PATL2: variants seen among roughly 807,000 people sequenced by gnomAD.
The protein encoded by PATL2 is PAT1 homolog 2.
In PATL2, 73 loss-of-function variants were observed where a neutral mutation model predicts 77.0. The ratio of observed to expected loss-of-function variants is 0.95; its 90% CI spans 0.78 to 1.15. The LOEUF is 1.15. PATL2 is among the 50% of genes most tolerant of loss of function. The pLI is 0.00. For synonymous variants in PATL2, 265 were observed against 257.1 expected (o/e 1.03, Z -0.29); for missense variants, 618 against 655.4 (o/e 0.94, Z 0.62).
intron 3 of PATL2, among the ~76,000 whole-genome samples, chr15:44,694,391 A>T (rs1184591288): frequency 6.6e-6 from 1 of 152,226 alleles, no homozygotes; most frequent in African/African-American, 2.4e-5. Flanking sequence ...AAACAATAAT[A>T]GTAATGATGA....
intron 3 of PATL2, among the ~76,000 whole-genome samples, chr15:44,702,165 A>G (rs766161587): frequency 5.3e-5 from 8 of 152,028 alleles, no homozygotes; most frequent in Non-Finnish European, 1.0e-4. Context: ...TTCATTTGTT[A>G]CTTGTTATTG....
chr15:44,676,889 T>C (rs2085986746), intron 3 of PATL2: 5 of 1,066,696 alleles, frequency 4.7e-6, no homozygotes, highest in Middle Eastern at 4.4e-4. Flanking sequence ...CTGTCCTTTC[T>C]GTTTAAGTTA....
intron 3 of PATL2, among the ~76,000 whole-genome samples, chr15:44,698,426 C>G (rs1032681671): frequency 1.3e-5 from 2 of 152,144 alleles, no homozygotes; most frequent in South Asian, 2.1e-4. Context: ...AACCATTATT[C>G]TACTCTCTAT....
chr15:44,707,507 G>C (rs1274887824), intron 3 of PATL2, among the ~76,000 whole-genome samples: 3 of 152,202 alleles, frequency 2.0e-5, no homozygotes, highest in Middle Eastern at 6.3e-3. Flanking sequence ...GGCCCAGGGT[G>C]TGGCTAGAAA....
intron 3 of PATL2, among the ~76,000 whole-genome samples, chr15:44,682,141 A>G (rs756257713): frequency 2.6e-5 from 4 of 152,238 alleles, no homozygotes; most frequent in Non-Finnish European, 5.9e-5. Context: ...GCATTATGTC[A>G]TATAAGCAAC....
chr15:44,667,263 T>G, intron 15 of PATL2, 60 bp from the exon 16 acceptor site: 1 of 1,207,608 alleles, frequency 8.3e-7, no homozygotes. Context: ...ATTTGGTGCT[T>G]TCCTGACTCT....
In PATL2 at chr15:44,668,386, G is replaced by A; in HGVS notation, c.1321C>T (p.Pro441Ser). ...GTGACTGGCCGCTCTGAGGAGCCAG[G>A]TGGCAACAGCGTTAATCCCTGAAGT... The part of the protein sequence containing the change: ...QGLQGLTLLP[P>S]GSSERPVTVV... Residue 441 changes from proline (P) to serine (S), a missense_variant, in exon 15 of 18, where the codon CCT becomes TCT. Transcript: ENST00000682850. 2 of 1,551,228 alleles carry A rather than the reference G, an allele frequency of 1.3e-6. No homozygotes were observed. The highest frequency in any genetic ancestry group is 8.7e-7 in the Non-Finnish European group (1 of 1,146,964).
At chr15:44,691,141 A>C (rs1014132960) in intron 3 of PATL2, among the ~76,000 whole-genome samples, 1 of 152,086 alleles carries the variant, frequency 6.6e-6, no homozygotes, top group Admixed American at 6.5e-5. Context: ...TTTGGTTATA[A>C]AAAACTCAAA....
At position 44,686,114 on chromosome 15, in the gene PATL2, A is replaced by T. The variant is rs912056864; in HGVS notation, c.-75-9549T>A. On this transcript the variant is annotated intron_variant, in intron 3 of 17. Coordinates refer to ENST00000682850, the MANE Select transcript of PATL2 (RefSeq NM_001387263.1). ...AATCAACAGCATATACATTCTTCTC[A>T]GCACCACATCGCACTTGTTCTAAAA... 2.0e-5 allele frequency among the ~76,000 whole-genome samples: 3 copies of T among 152,216 alleles called. No individual in the cohort carries two copies. The South Asian group carries it at 6.2e-4, about 31-fold the overall frequency.
intron 3 of PATL2, among the ~76,000 whole-genome samples, chr15:44,700,913 A>T (rs1408271691): frequency 6.6e-6 from 1 of 152,076 alleles, no homozygotes; most frequent in Non-Finnish European, 1.5e-5. Context: ...TTTGTCATAT[A>T]GCTTTTACTG....
At chr15:44,667,070 T>C in intron 16 of PATL2, 36 bp downstream of exon 16, 1 of 1,455,008 alleles carries the variant, frequency 6.9e-7, no homozygotes, top group Non-Finnish European at 9.4e-7. Context: ...ATCCCGAGGG[T>C]ACTAGATAGT....
rs1595951674 is a variant in PATL2 at position 44,665,784 on chromosome 15, G to A, written c.*169C>T. 5 of 1,498,804 alleles carry A rather than the reference G, an allele frequency of 3.3e-6. No homozygotes were observed. The East Asian group carries it at 7.5e-5, about 22-fold the overall frequency. The allele number at this position is 1,498,804 out of a possible 1,614,324, so 92.8% of individuals were successfully genotyped here. ...TTATTATGCCATGTCTTATTTTTAG[G>A]CACATCATTTAGATTTTTGAAGAAA... is the stretch of plus-strand genomic sequence containing the variant. On this transcript the variant is annotated 3_prime_UTR_variant, in exon 18 of 18. Transcript: ENST00000682850.
At chr15:44,696,003 G>C (rs896145568) in intron 3 of PATL2, among the ~76,000 whole-genome samples, 1 of 152,164 alleles carries the variant, frequency 6.6e-6, no homozygotes, top group Admixed American at 6.5e-5. Context: ...GCAAGTGTCA[G>C]CTCCACAAGC....
intron 4 of PATL2, chr15:44,676,082 C>T: frequency 3.1e-6 from 1 of 322,736 alleles, no homozygotes; most frequent in Non-Finnish European, 5.8e-6. Context: ...ACTTTCACAT[C>T]CCCTCTTCAA....
At chr15:44,677,687 T>C (rs1431625860) in intron 3 of PATL2, among the ~76,000 whole-genome samples, 4 of 152,144 alleles carry the variant, frequency 2.6e-5, no homozygotes, top group African/African-American at 9.7e-5. Flanking sequence ...TTAATTTCCC[T>C]ACATCAAAAA....
chr15:44,676,002 T>C, intron 4 of PATL2: 2 of 389,574 alleles, frequency 5.1e-6, no homozygotes, highest in Non-Finnish European at 9.2e-6. Context: ...GGCAACACAG[T>C]GAGACCCTGT....
chr15:44,668,850 G>A (rs2085514481), intron 14 of PATL2, 130 bp downstream of exon 14: 1 of 1,152,884 alleles, frequency 8.7e-7, no homozygotes, highest in South Asian at 1.8e-5. Flanking sequence ...CCTGAGGGTG[G>A]CAAGGCCAGC....
In PATL2 at chr15:44,669,839, C is replaced by T. The variant is rs140098598; in HGVS notation, c.814G>A (p.Val272Met). Residue 272 changes from valine to methionine, a missense_variant, in exon 11 of 18, where the codon GTG becomes ATG. Val to Met is a conservative substitution (Grantham distance 21, BLOSUM62 1). Transcript: ENST00000682850. ...CGGCGAGGGCTGAAGCATGTCGACA[C>T]AGCTACCTGGCCCAGGGAACCCTCG... The part of the protein sequence containing the change: ...RIEGSLGQVA[V>M]STCFSPRRAI... The T allele has an allele frequency of 6.1e-4, 944 of 1,551,672 alleles. 2 individuals carry two copies. The highest frequency in any genetic ancestry group is 4.3e-3 in the Middle Eastern group (26 of 5,992).
At chr15:44,676,272 T>A (rs2085948978) in intron 4 of PATL2, 1 of 595,522 alleles carries the variant, frequency 1.7e-6, no homozygotes, top group Non-Finnish European at 3.1e-6. Context: ...TCCTGGGTTG[T>A]TGTTGATAAT....
Sources: allele counts gnomAD v4.1 joint callset (sites outside exome capture counted in the v4.1 genomes callset), GRCh38; gene constraint gnomAD v4.1.1; transcripts MANE v1.5; gene names NCBI Gene and HGNC (gene_info 2026-07-23, HGNC 2026-07-21).